Variants in CPSF1 observed in about 807,000 individuals in gnomAD.
CPSF1 encodes cleavage and polyadenylation specificity factor subunit 1.
CPSF1 carries 106 observed loss-of-function variants against 175.8 expected under a neutral mutation model. The ratio of observed to expected loss-of-function variants is 0.60; its 90% CI spans 0.52 to 0.71. CPSF1 has a LOEUF of 0.71. Among genes scored for constraint, CPSF1 ranks in the 30% least tolerant of loss-of-function variants. The probability of loss-of-function intolerance (pLI) is 0.00; values close to 1 mark genes in which losing one functional copy is unlikely to be tolerated. For missense variants in CPSF1, 1,734 were observed against 2,022.9 expected, an observed-to-expected ratio of 0.86 and a Z score of 2.74; for synonymous variants, 1,024 against 858.3, an observed-to-expected ratio of 1.19 and a Z score of -3.37.
intron 2 of CPSF1, 151 bp downstream of exon 2, chr8:144,408,864 G>T: frequency 1.1e-6 from 1 of 906,432 alleles, no homozygotes; most frequent in African/African-American, 1.7e-5. Context: ...CTGAGCACAA[G>T]AGATTCAGGG....
rs2116881059 is a variant in CPSF1, at chr8:144,401,052, G to C, written c.411C>G (p.His137Gln). Residue 137 changes from histidine to glutamine, a missense_variant, in exon 6 of 38, where the codon CAC becomes CAG. This residue lies in a region of CPSF1 where 122 missense variants were observed against 177.2 expected (regional missense o/e 0.69). Transcript: ENST00000616140. ...CGGGGTCCACCCGCACTCGCGGCGT[G>C]TGTACATTCTGCACAAACCCGTCCT... ...ELRDGFVQNV[H>Q]TPRVRVDPDG... is the part of the protein sequence containing the mutation. 6.2e-7 allele frequency: 1 copy of C among 1,607,912 alleles called. No individual in the cohort carries two copies. Among genetic ancestry groups the C allele is most frequent in the East Asian group, 2.2e-5 (1 of 44,748 alleles).
chr8:144,406,709 C>T (rs1371658628), intron 2 of CPSF1, among the ~76,000 whole-genome samples: 3 of 152,174 alleles, frequency 2.0e-5, no homozygotes, highest in African/African-American at 4.8e-5. Flanking sequence ...GGCCAACCTA[C>T]GGTGGCCAGC....
At chr8:144,394,343 C>T in intron 32 of CPSF1, 36 bp downstream of exon 32, 2 of 1,588,062 alleles carry the variant, frequency 1.3e-6, no homozygotes, top group Non-Finnish European at 1.7e-6. Context: ...TGGGCGGGTA[C>T]CCACCCAGAC....
rs184042791 is a variant in CPSF1, at chr8:144,394,448, G to A, written c.3675C>T (p.Ala1225=). The change falls in exon 32 of 38, where the codon GCC becomes GCT. Residue 1225 remains alanine, a synonymous_variant. Coordinates refer to ENST00000616140, the MANE Select transcript of CPSF1 (RefSeq NM_013291.3). The stretch of plus-strand genomic sequence containing the variant: ...GCAGCGAAATGCTCTTCATGACGTC[G>A]GCTGCCAGGATGAAGTTCTTGACGC... ...MISVKNFILA[A]DVMKSISLLR... The A allele has an allele frequency of 4.6e-5, 74 of 1,608,172 alleles. No individual in the cohort carries two copies. Among genetic ancestry groups the A allele is most frequent in the African/African-American group, 3.5e-4 (26 of 75,032 alleles).
rs1488073161 is a variant in CPSF1 at position 144,396,904 on chromosome 8, A to G, written c.2618T>C (p.Ile873Thr). Reference sequence around the variant, plus strand: ...AGAGTCGTGGGGGAAGGCCTCGTAGATAAGCAGCTCTTGGTCCACATGCAC... The same window carrying G: ...AGAGTCGTGGGGGAAGGCCTCGTAGGTAAGCAGCTCTTGGTCCACATGCAC... ...LLVHVDQELL[I>T]YEAFPHDSQL... is the part of the protein sequence containing the mutation. The change falls in exon 24 of 38, where the codon ATC (isoleucine) becomes ACC (threonine). Residue 873 changes from isoleucine (I) to threonine (T), a missense_variant. Physicochemically the swap from Ile to Thr is moderately conservative, Grantham distance 89 (BLOSUM62 -1). This residue lies in a region of CPSF1 where 585 missense variants were observed against 584.7 expected (regional missense o/e 1.00). Coordinates refer to ENST00000616140, the MANE Select transcript of CPSF1 (RefSeq NM_013291.3). The G allele has an allele frequency of 1.9e-6, 3 of 1,613,600 alleles. No homozygotes were observed. In the African/African-American group the frequency reaches 4.0e-5, roughly 22 times the overall value.
rs2116899561 is a variant in CPSF1, at chr8:144,404,735, A to G, written c.145-3062T>C. 3.5e-3 allele frequency among the ~76,000 whole-genome samples: 536 copies of G among 151,358 alleles called. 6 individuals carry two copies. The highest frequency in any genetic ancestry group is 0.01 in the Middle Eastern group (3 of 294). On this transcript the variant is annotated intron_variant, in intron 2 of 37. Transcript: ENST00000616140. The stretch of plus-strand genomic sequence containing the variant: ...AATGGTCTAACTGGCATGTTGGGGG[A>G]AAGGGGACAGAATCAATAGCTAAAG...
At position 144,399,813 on chromosome 8, in the gene CPSF1, CA is replaced by C. The variant is rs1481636526; in HGVS notation, c.1086del (p.Phe362LeufsTer109). 6.4e-7 allele frequency: 1 copy of C among 1,559,422 alleles called. No homozygotes were observed. The highest frequency in any genetic ancestry group is 1.9e-5 in the Admixed American group (1 of 51,720). ...GTGAGGACGCTGGCGGCCGCCTTGT[CA>C]AAGTGGAACGCTCGGACACTGCGCA... ...DGMRSVRAFHFDKAAASVLTT... is the reference protein window; with the variant it reads ...DGMRSVRAFHXDKAAASVLTT... On this transcript the variant is annotated frameshift_variant, in exon 11 of 38. Coordinates refer to ENST00000616140, the MANE Select transcript of CPSF1 (RefSeq NM_013291.3). LOFTEE classifies it high-confidence loss of function. The surrounding 1 kb of genome is among the most constrained non-coding windows in gnomAD (Gnocchi z 6.4).
At position 144,400,224 on chromosome 8, in the gene CPSF1, G is replaced by A. The variant is rs2116873645; in HGVS notation, c.879C>T (p.Val293=). The A allele has an allele frequency of 6.3e-7, 1 of 1,585,992 alleles. No individual in the cohort carries two copies. The highest frequency in any genetic ancestry group is 8.6e-7 in the Non-Finnish European group (1 of 1,164,000). The change falls in exon 9 of 38, where the codon GTC becomes GTT. Residue 293 remains valine (V), a synonymous_variant. Transcript: ENST00000616140. ...TGTTGAGAGCCACGCCATACGGGGG[G>A]ACGCTCTGGTTCAGGTACAACAGCG... is the stretch of plus-strand genomic sequence containing the variant. ...VNSLLYLNQS[V]PPYGVALNSL... is the part of the protein sequence containing the mutation.
rs2116854357 is a variant in CPSF1, at chr8:144,398,755, T to TC, written c.1638+23dup. On this transcript the variant is annotated intron_variant, in intron 17 of 37. Coordinates refer to ENST00000616140, the MANE Select transcript of CPSF1 (RefSeq NM_013291.3). ...GCAGCGCCGGTCCCATCCCAGGGCC[T>TC]CCCTGCAGCAGGCTCGCACCTACCT... is the stretch of plus-strand genomic sequence containing the variant. The TC allele has an allele frequency of 2.3e-5, 37 of 1,589,664 alleles. No individual in the cohort carries two copies. The African/African-American group carries it at 5.0e-4, about 21-fold the overall frequency.
In CPSF1 at chr8:144,395,269, C is replaced by T; in HGVS notation, c.3183G>A (p.Glu1061=). ...TGEEKEFETI[E]RDERYIHPQQ... Reference sequence around the variant, plus strand: ...GTATGGTGTGGGCGTCACCACCTCTCTCGATGGTCTCAAACTCCTTCTCCT... The same window carrying T: ...GTATGGTGTGGGCGTCACCACCTCTTTCGATGGTCTCAAACTCCTTCTCCT... The change falls in exon 28 of 38, where the codon GAG becomes GAA. Residue 1061 remains glutamate (E), a synonymous_variant. Coordinates refer to ENST00000616140, the MANE Select transcript of CPSF1 (RefSeq NM_013291.3). 1 of 1,613,044 alleles carries T rather than the reference C, an allele frequency of 6.2e-7. No homozygotes were observed. The highest frequency in any genetic ancestry group is 8.5e-7 in the Non-Finnish European group (1 of 1,179,922).
rs1554862318 is a variant in CPSF1 at position 144,393,719 on chromosome 8, C to T, written c.4093G>A (p.Ala1365Thr). The T allele has an allele frequency of 1.9e-6, 3 of 1,569,648 alleles. No homozygotes were observed. The highest frequency in any genetic ancestry group is 2.3e-5 in the East Asian group (1 of 43,342). The change falls in exon 36 of 38, where the codon GCG (alanine) becomes ACG (threonine). Residue 1365 changes from alanine (A) to threonine (T), a missense_variant. Transcript: ENST00000616140. ...TYRRLLMLQN[A>T]LTTMLPHHAG... is the part of the protein sequence containing the mutation. Reference sequence around the variant, plus strand: ...TGGTGTGGCAGCATGGTGGTCAGCGCGTTCTGCAGCATCAGCAGCCGCCGG... The same window carrying T: ...TGGTGTGGCAGCATGGTGGTCAGCGTGTTCTGCAGCATCAGCAGCCGCCGG...
At chr8:144,400,135 G>GGGGGGCCCCCCCCCCC in intron 9 of CPSF1, 31 bp downstream of exon 9, 13 of 895,998 alleles carry the variant, frequency 1.5e-5, no homozygotes, top group Non-Finnish European at 1.9e-5. Flanking sequence ...CCGTCCCCGG[G>GGGGGGCCCCCCCCCCC]CCCCCCCCGC....
chr8:144,395,107 G>A lies in CPSF1; in HGVS notation c.3263C>T (p.Pro1088Leu), dbSNP rs1820630483. ...LISPVSWEAI[P>L]NARIELQEWE... Reference sequence around the variant, plus strand: ...GCCGGCCCAGCCTCACCTGGCATTGGGAATAGCCTCCCAGCTGACCGGGGA... The same window carrying A: ...GCCGGCCCAGCCTCACCTGGCATTGAGAATAGCCTCCCAGCTGACCGGGGA... Residue 1088 changes from proline (P) to leucine (L), a missense_variant, in exon 29 of 38, where the codon CCC (proline) becomes CTC (leucine). By Grantham distance (98) the Pro-to-Leu change is moderately conservative (BLOSUM62 -3). Around this residue, in one of 10 missense-constraint regions of CPSF1, gnomAD observed 585 missense variants for 584.7 expected, o/e 1.00. Transcript: ENST00000616140. 6.2e-7 allele frequency: 1 copy of A among 1,610,742 alleles called. No homozygotes were observed. The highest frequency in any genetic ancestry group is 8.5e-7 in the Non-Finnish European group (1 of 1,178,426).
chr8:144,395,691 G>C, intron 26 of CPSF1, 140 bp from the exon 27 acceptor site: 3 of 694,700 alleles, frequency 4.3e-6, no homozygotes, highest in Non-Finnish European at 7.4e-6. Context: ...GTGTCCTGGC[G>C]AGGTCCTGGA....
chr8:144,404,655 C>T (rs1554868495), intron 2 of CPSF1, among the ~76,000 whole-genome samples: 1 of 150,560 alleles, frequency 6.6e-6, no homozygotes, highest in Non-Finnish European at 1.5e-5. Context: ...CAGGCGTGAG[C>T]CACTGCGCCC....
chr8:144,404,741 G>A (rs1821402450), intron 2 of CPSF1, among the ~76,000 whole-genome samples: 1 of 150,964 alleles, frequency 6.6e-6, no homozygotes, highest in South Asian at 2.1e-4. Flanking sequence ...GGGGAAAGGG[G>A]ACAGAATCAA....
intron 2 of CPSF1, among the ~76,000 whole-genome samples, chr8:144,404,662 G>A (rs2116899394): frequency 2.6e-5 from 4 of 151,626 alleles, no homozygotes; most frequent in African/African-American, 7.3e-5. Flanking sequence ...GAGCCACTGC[G>A]CCCGGCCACC....
In CPSF1 at chr8:144,399,756, G is replaced by C. The variant is rs782286379; in HGVS notation, c.1119+25C>G. 6.3e-7 allele frequency: 1 copy of C among 1,593,084 alleles called. No individual in the cohort carries two copies. The highest frequency in any genetic ancestry group is 1.3e-5 in the African/African-American group (1 of 74,442). On this transcript the variant is annotated intron_variant, in intron 11 of 37. Coordinates refer to ENST00000616140, the MANE Select transcript of CPSF1 (RefSeq NM_013291.3). The surrounding 1 kb of genome is among the most constrained non-coding windows in gnomAD (Gnocchi z 6.4). ...GATGGCTGGGCCGGGTCTGGACCCA[G>C]ACCCAACCCCTAGTCCCAACTCACG...
rs781806525 is a variant in CPSF1, at chr8:144,394,151, C to T, written c.3821G>A (p.Arg1274His). 1.2e-5 allele frequency: 20 copies of T among 1,612,708 alleles called. No individual in the cohort carries two copies. The highest frequency in any genetic ancestry group is 1.6e-4 in the Middle Eastern group (1 of 6,078). The change falls in exon 34 of 38, where the codon CGC (arginine) becomes CAC (histidine). Residue 1274 changes from arginine to histidine, a missense_variant. Physicochemically the swap from Arg to His is conservative, Grantham distance 29. This residue lies in a region of CPSF1 where 323 missense variants were observed against 338.5 expected (regional missense o/e 0.95). Coordinates refer to ENST00000616140, the MANE Select transcript of CPSF1 (RefSeq NM_013291.3). ...NAQLGFLVSD[R>H]DRNLMVYMYL... Reference sequence around the variant, plus strand: ...CATGTACACCATGAGGTTGCGGTCGCGGTCAGACACTGGGGAGCAGAGGCC... The same window carrying T: ...CATGTACACCATGAGGTTGCGGTCGTGGTCAGACACTGGGGAGCAGAGGCC...
Sources: gnomAD v4.1 joint callset for allele counts (sites outside exome capture counted in the v4.1 genomes callset) on GRCh38, gnomAD v4.1.1 for gene constraint, gnomAD v4.1.1 regional missense constraint, Gnocchi (gnomAD v3.1) non-coding constraint, MANE v1.5 for transcripts, NCBI Gene and HGNC (gene_info 2026-07-23, HGNC 2026-07-21) for gene names.